Variants in CACNA1H observed in about 807,000 individuals in gnomAD.
CACNA1H encodes the protein calcium voltage-gated channel subunit alpha1 H.
Under a neutral mutation model 192.5 loss-of-function variants are expected in CACNA1H, and 149 were observed. That is an observed-to-expected ratio of 0.77 (90% CI 0.68 to 0.89). The LOEUF (loss-of-function observed/expected upper bound fraction) is 0.89. Among genes scored for constraint, CACNA1H ranks in the 40% least tolerant of loss-of-function variants. The pLI is 0.00. For missense variants in CACNA1H, 4,257 were observed against 3,423.5 expected (o/e 1.24, Z -6.08); for synonymous variants, 2,202 against 1,475.2 (o/e 1.49, Z -11.29).
intron 25 of CACNA1H, among the ~76,000 whole-genome samples, 159 bp from the exon 26 acceptor site, chr16:1,212,352 C>G (rs1022753875): frequency 6.6e-6 from 1 of 152,108 alleles, no homozygotes; most frequent in Non-Finnish European, 1.5e-5. Context: ...CACCCCCAAC[C>G]CCATCCCCAG....
intron 29 of CACNA1H, 30 bp from the exon 30 acceptor site, chr16:1,215,493 G>T: frequency 6.2e-7 from 1 of 1,606,548 alleles, no homozygotes; most frequent in Non-Finnish European, 8.5e-7. Flanking sequence ...GGTCCGCCCA[G>T]CCCTGCTGAC....
intron 2 of CACNA1H, among the ~76,000 whole-genome samples, chr16:1,174,936 G>A (rs1293353489): frequency 1.8e-3 from 41 of 22,748 alleles, no homozygotes; most frequent in African/African-American, 6.6e-3. Context: ...CAACCCCCAC[G>A]TCCACCCCCC....
chr16:1,200,118 T>C (rs1177208477), intron 6 of CACNA1H, 138 bp from the exon 7 acceptor site: 6 of 704,012 alleles, frequency 8.5e-6, no homozygotes, highest in Non-Finnish European at 1.4e-5. Context: ...CGTGCCTCCC[T>C]AACCATGATT....
At position 1,180,015 on chromosome 16, in the gene CACNA1H, G is replaced by A. The variant is rs1328362692; in HGVS notation, c.300-14957G>A. ...CTCCAAAAGTGCTGGGATAACAGGCGTGAGCCACCATGCCCGGCCCGGCCT... is the reference window on the plus strand; with the variant it reads ...CTCCAAAAGTGCTGGGATAACAGGCATGAGCCACCATGCCCGGCCCGGCCT... On this transcript the variant is annotated intron_variant, in intron 2 of 34. Coordinates refer to ENST00000348261, the MANE Select transcript of CACNA1H (RefSeq NM_021098.3). The surrounding 1 kb of genome is among the most constrained non-coding windows in gnomAD (Gnocchi z 4.4). Among the ~76,000 whole-genome samples, 3 of 152,210 alleles carry A rather than the reference G, an allele frequency of 2.0e-5. No homozygotes were observed. Among genetic ancestry groups the A allele is most frequent in the African/African-American group, 2.4e-5 (1 of 41,444 alleles).
At position 1,200,754 on chromosome 16, in the gene CACNA1H, C is replaced by G; in HGVS notation, c.1158C>G (p.Tyr386Ter). 1 of 1,557,822 alleles carries G rather than the reference C, an allele frequency of 6.4e-7. No individual in the cohort carries two copies. Among genetic ancestry groups the G allele is most frequent in the Non-Finnish European group, 8.7e-7 (1 of 1,150,816 alleles). Residue 386 changes from tyrosine to a stop codon, truncating the protein, a stop_gained, in exon 8 of 35, where the codon TAC becomes TAG. Coordinates refer to ENST00000348261, the MANE Select transcript of CACNA1H (RefSeq NM_021098.3). LOFTEE classifies it high-confidence loss of function. ...AAGGCTGGGTGGACATCATGTACTACGTCATGGACGCCCACTCATTCTACA... is the reference window on the plus strand; with the variant it reads ...AAGGCTGGGTGGACATCATGTACTAGGTCATGGACGCCCACTCATTCTACA... Reference protein sequence around the residue: ...TLEGWVDIMYYVMDAHSFYNF... With the variant: ...TLEGWVDIMY
chr16:1,218,144 C>T (rs72552052), intron 32 of CACNA1H, 66 bp from the exon 33 acceptor site: 1,084 of 1,531,864 alleles, frequency 7.1e-4, no homozygotes, highest in Non-Finnish European at 9.0e-4. Flanking sequence ...GGGAAGGGGA[C>T]GGCACTGCCA....
chr16:1,215,186 G>A (rs72552045), intron 28 of CACNA1H, 56 bp from the exon 29 acceptor site: 207 of 1,581,494 alleles, frequency 1.3e-4, no homozygotes, highest in Admixed American at 4.0e-4. Context: ...CAGAAGCAAC[G>A]CTGCTGAGCC....
chr16:1,164,003 G>A lies in CACNA1H; in HGVS notation c.299+9967G>A, dbSNP rs183599832. Among the ~76,000 whole-genome samples the A allele has an allele frequency of 4.0e-3, 608 of 152,322 alleles. 6 individuals carry two copies. Among genetic ancestry groups the A allele is most frequent in the African/African-American group, 0.01 (435 of 41,574 alleles). ...CTCAGCCGCCCCTGCCCCAGCCGAG[G>A]AGCAGCCGATGGGTGCGGCCTGTTG... On this transcript the variant is annotated intron_variant, in intron 2 of 34. Coordinates refer to ENST00000348261, the MANE Select transcript of CACNA1H (RefSeq NM_021098.3).
chr16:1,211,862 T>C, intron 24 of CACNA1H, 57 bp downstream of exon 24: 1 of 1,609,922 alleles, frequency 6.2e-7, no homozygotes, highest in Non-Finnish European at 8.5e-7. Flanking sequence ...GCGGCTGCCT[T>C]GGCCTCTGGG....
Position 1,216,943 on chromosome 16 carries a change from G to C in CACNA1H, c.5256G>C (p.Leu1752=). 6.2e-7 allele frequency: 1 copy of C among 1,603,360 alleles called. No homozygotes were observed. Residue 1752 remains leucine (L), a synonymous_variant, in exon 31 of 35, where the codon CTG becomes CTC. Transcript: ENST00000348261. ...VVQALPQVGN[L]GLLFMLLFFI... is the part of the protein sequence containing the mutation. Reference sequence around the variant, plus strand: ...TCTCTCTTGTGTAGGTGGGGAACCTGGGCCTTCTTTTCATGCTCCTGTTTT... The same window carrying C: ...TCTCTCTTGTGTAGGTGGGGAACCTCGGCCTTCTTTTCATGCTCCTGTTTT...
Position 1,220,033 on chromosome 16 carries a change from C to T in CACNA1H, c.6101C>T (p.Thr2034Ile), listed in dbSNP as rs1165483287. Residue 2034 changes from threonine (T) to isoleucine (I), a missense_variant, in exon 35 of 35, where the codon ACC becomes ATC. Coordinates refer to ENST00000348261, the MANE Select transcript of CACNA1H (RefSeq NM_021098.3). ...GGGAAGATTGACAGCCCTAGGGACA[C>T]CCTGGATCCTGCAGAGCCTGGTGAG... is the stretch of plus-strand genomic sequence containing the variant. ...LEGKIDSPRD[T>I]LDPAEPGEKT... 1.4e-6 allele frequency: 2 copies of T among 1,414,504 alleles called. No individual in the cohort carries two copies. The highest frequency in any genetic ancestry group is 2.8e-5 in the East Asian group (1 of 35,512). 87.6% of individuals were successfully genotyped at this position (1,414,504 alleles called of 1,614,324 possible).
In CACNA1H at chr16:1,195,310, C is replaced by T. The variant is rs536847858; in HGVS notation, c.412-122C>T. On this transcript the variant is annotated intron_variant, in intron 3 of 34. Coordinates refer to ENST00000348261, the MANE Select transcript of CACNA1H (RefSeq NM_021098.3). ...AGGGCTCAGTTCCTGGGGCTCAGGG[C>T]GGGGCAGGGGCGGGGCGAGGGGTGT... is the stretch of plus-strand genomic sequence containing the variant. The T allele has an allele frequency of 1.7e-3, 1,102 of 635,730 alleles. 16 individuals carry two copies. The South Asian group carries it at 0.023, about 13-fold the overall frequency. The allele number at this position is 635,730 out of a possible 1,614,324, so 39.4% of individuals were successfully genotyped here.
chr16:1,164,430 C>T (rs1963546735), intron 2 of CACNA1H, among the ~76,000 whole-genome samples: 2 of 152,176 alleles, frequency 1.3e-5, no homozygotes, highest in South Asian at 4.1e-4. Flanking sequence ...TCTCCTGGTT[C>T]AGGTGACCCT....
intron 16 of CACNA1H, among the ~76,000 whole-genome samples, chr16:1,208,565 C>T (rs117728987): frequency 2.0e-4 from 31 of 152,296 alleles, no homozygotes; most frequent in African/African-American, 2.9e-4. Flanking sequence ...AGAAGCAGCC[C>T]GATTCCCTTT....
At position 1,210,843 on chromosome 16, in the gene CACNA1H, C is replaced by T; in HGVS notation, c.4095C>T (p.Asn1365=). 2 of 1,605,088 alleles carry T rather than the reference C, an allele frequency of 1.2e-6. No individual in the cohort carries two copies. Among genetic ancestry groups the T allele is most frequent in the Non-Finnish European group, 1.7e-6 (2 of 1,179,734 alleles). ...ACGCCTACCTGCAGAGCAGCTGGAA[C>T]CTGCTGGATGGGCTGCTGGTGCTGG... is the stretch of plus-strand genomic sequence containing the variant. ...GEHAYLQSSW[N]LLDGLLVLVS... is the part of the protein sequence containing the mutation. The change falls in exon 21 of 35, where the codon AAC becomes AAT. Residue 1365 remains asparagine (N), a synonymous_variant. Transcript: ENST00000348261.
intron 30 of CACNA1H, among the ~76,000 whole-genome samples, chr16:1,216,062 C>A (rs1397991056): frequency 6.6e-6 from 1 of 152,198 alleles, no homozygotes; most frequent in Non-Finnish European, 1.5e-5. Flanking sequence ...AACACGTTGT[C>A]CCGTCCGTAG....
At position 1,202,267 on chromosome 16, in the gene CACNA1H, C is replaced by A. The variant is rs967106285; in HGVS notation, c.1817C>A (p.Thr606Lys). The change falls in exon 9 of 35, where the codon ACA becomes AAA. Residue 606 changes from threonine to lysine, a missense_variant. Transcript: ENST00000348261. ...GCCGCTGCCAGCCTCAGACTGGCCA[C>A]AGGGCTGGGCACCATGAACTACCCC... The part of the protein sequence containing the change: ...ATAAASLRLA[T>K]GLGTMNYPTI... 1 of 1,576,810 alleles carries A rather than the reference C, an allele frequency of 6.3e-7. No individual in the cohort carries two copies. Among genetic ancestry groups the A allele is most frequent in the Non-Finnish European group, 8.6e-7 (1 of 1,163,524 alleles).
intron 2 of CACNA1H, among the ~76,000 whole-genome samples, chr16:1,186,693 G>A (rs1227292338): frequency 6.6e-6 from 1 of 152,162 alleles, no homozygotes; most frequent in Non-Finnish European, 1.5e-5. Context: ...CGGTCCCGAT[G>A]CCCGTGGCAC....
At chr16:1,212,848 C>A (rs1428451622) in intron 26 of CACNA1H, among the ~76,000 whole-genome samples, 1 of 152,214 alleles carries the variant, frequency 6.6e-6, no homozygotes, top group Non-Finnish European at 1.5e-5. Context: ...TGACTGGCCG[C>A]GGGCCCTCTC....
Sources: gnomAD v4.1 joint callset for allele counts (sites outside exome capture counted in the v4.1 genomes callset) on GRCh38, gnomAD v4.1.1 for gene constraint, Gnocchi (gnomAD v3.1) non-coding constraint, MANE v1.5 for transcripts, NCBI Gene and HGNC (gene_info 2026-07-23, HGNC 2026-07-21) for gene names.